The following PALD1 variants were observed in gnomAD, a reference collection of about 807,000 sequenced individuals.
PALD1 encodes paladin.
Under a neutral mutation model 96.0 loss-of-function variants are expected in PALD1, and 57 were observed. The observed-to-expected ratio is 0.59, with a 90% CI of 0.48 to 0.74. The LOEUF (loss-of-function observed/expected upper bound fraction) is 0.74. Among genes scored for constraint, PALD1 ranks in the 30% least tolerant of loss-of-function variants. PALD1 has a pLI of 0.00. For missense variants in PALD1, 1,063 were observed against 1,143.7 expected, an observed-to-expected ratio of 0.93 and a Z score of 1.02; for synonymous variants, 464 against 473.6, an observed-to-expected ratio of 0.98 and a Z score of 0.26.
rs1447824266 is a variant in PALD1 at position 70,539,258 on chromosome 10, C to T, written c.1725+11C>T. Reference sequence around the variant, plus strand: ...CCTGACCAGCTGGAGGTGAGGCCCCCTGCCCTCTAGGCACCCCTGCCTCCG... The same window carrying T: ...CCTGACCAGCTGGAGGTGAGGCCCCTTGCCCTCTAGGCACCCCTGCCTCCG... On this transcript the variant is annotated intron_variant, in intron 14 of 19. Coordinates refer to ENST00000263563, the MANE Select transcript of PALD1 (RefSeq NM_014431.3). The surrounding 1 kb of genome is among the most constrained non-coding windows in gnomAD (Gnocchi z 4.5). The T allele has an allele frequency of 5.0e-6, 8 of 1,601,456 alleles. No individual in the cohort carries two copies. The highest frequency in any genetic ancestry group is 1.8e-4 in the Middle Eastern group (1 of 5,458).
intron 17 of PALD1, among the ~76,000 whole-genome samples, chr10:70,545,661 C>T (rs142393431): frequency 2.0e-4 from 31 of 151,958 alleles, no homozygotes; most frequent in African/African-American, 6.8e-4. Context: ...TGGTCTTGAA[C>T]TTCTGGCCTC....
chr10:70,547,600 G>A (rs1261793136), intron 18 of PALD1, among the ~76,000 whole-genome samples, 154 bp downstream of exon 18: 1 of 152,120 alleles, frequency 6.6e-6, no homozygotes, highest in East Asian at 1.9e-4. Context: ...AAGTGGAAGT[G>A]ATCCATGAGA....
intron 1 of PALD1, among the ~76,000 whole-genome samples, chr10:70,491,290 C>T: frequency 6.6e-6 from 1 of 152,194 alleles, no homozygotes; most frequent in East Asian, 1.9e-4. Context: ...CAGAGATGGG[C>T]TTTACTCACT....
chr10:70,510,288 T>A (rs750743442), intron 1 of PALD1, among the ~76,000 whole-genome samples: 3 of 152,150 alleles, frequency 2.0e-5, no homozygotes, highest in Non-Finnish European at 4.4e-5. Flanking sequence ...GGCTGAAGTG[T>A]GCTTTCCCAC....
intron 1 of PALD1, among the ~76,000 whole-genome samples, chr10:70,505,614 C>T (rs768395661): frequency 0.33 from 24,043 of 72,680 alleles, 2,234 homozygotes; most frequent in Middle Eastern, 0.47. Context: ...CAAAACAAAA[C>T]AAAACAAAAC....
intron 1 of PALD1, among the ~76,000 whole-genome samples, chr10:70,518,797 C>G (rs1846666410): frequency 6.6e-6 from 1 of 152,258 alleles, no homozygotes; most frequent in African/African-American, 2.4e-5. Context: ...GGTGGCTGTT[C>G]AAACCCCACC....
chr10:70,501,830 T>TGC (rs1354666001), intron 1 of PALD1, among the ~76,000 whole-genome samples: 36 of 145,234 alleles, frequency 2.5e-4, no homozygotes, highest in African/African-American at 7.7e-4. Flanking sequence ...TGTGTGTGTG[T>TGC]GTGTGCGTGC....
Position 70,560,870 on chromosome 10 carries a change from T to C in PALD1, c.2263-3494T>C, listed in dbSNP as rs372731030. Among the ~76,000 whole-genome samples, 15 of 152,176 alleles carry C rather than the reference T, an allele frequency of 9.9e-5. No homozygotes were observed. The East Asian group carries it at 2.9e-3, about 29-fold the overall frequency. On this transcript the variant is annotated intron_variant, in intron 18 of 19. Transcript: ENST00000263563. The stretch of plus-strand genomic sequence containing the variant: ...GCTAATGACAGCCTGGCAGGCCGTA[T>C]ATAAACAGCTCCACTATTTTTATCA...
intron 1 of PALD1, among the ~76,000 whole-genome samples, chr10:70,500,281 C>T (rs1196657908): frequency 1.3e-5 from 2 of 152,238 alleles, no homozygotes; most frequent in East Asian, 3.9e-4. Context: ...GCTCAGGTGC[C>T]TCCACATGGT....
chr10:70,538,046 G>A (rs1000578934), intron 11 of PALD1, 140 bp downstream of exon 11: 21 of 750,084 alleles, frequency 2.8e-5, no homozygotes, highest in South Asian at 2.4e-4. Flanking sequence ...ACCCAGATTC[G>A]GGAGTAGTCC....
chr10:70,538,462 C>A, intron 12 of PALD1, 54 bp downstream of exon 12: 1 of 1,563,992 alleles, frequency 6.4e-7, no homozygotes, highest in Non-Finnish European at 8.7e-7. Flanking sequence ...TGGCCCTGGC[C>A]CCTAAACACT....
chr10:70,511,959 G>A (rs944789796), intron 1 of PALD1, among the ~76,000 whole-genome samples: 3 of 152,050 alleles, frequency 2.0e-5, no homozygotes, highest in Non-Finnish European at 4.4e-5. Flanking sequence ...CCTGGGAGGC[G>A]GAGGTTGCAG....
intron 18 of PALD1, among the ~76,000 whole-genome samples, chr10:70,550,035 A>T (rs1400278503): frequency 6.6e-6 from 1 of 152,198 alleles, no homozygotes; most frequent in African/African-American, 2.4e-5. Context: ...TCATTCTGGG[A>T]TATGGCCACC....
At chr10:70,477,615 C>T (rs992923436), upstream of PALD1, among the ~76,000 whole-genome samples, 1 of 152,200 alleles carries the variant, frequency 6.6e-6, no homozygotes, top group Admixed American at 6.5e-5. Context: ...CACTTAAGAG[C>T]TAGGTGCTAG....
chr10:70,497,161 G>T (rs1405433465), intron 1 of PALD1, among the ~76,000 whole-genome samples: 2 of 152,246 alleles, frequency 1.3e-5, no homozygotes, highest in Non-Finnish European at 2.9e-5. Context: ...GATGAGGAGG[G>T]CTTGCTGTTT....
intron 1 of PALD1, among the ~76,000 whole-genome samples, chr10:70,525,349 C>T (rs1846834648): frequency 6.6e-6 from 1 of 152,036 alleles, no homozygotes; most frequent in African/African-American, 2.4e-5. Context: ...GAGTTTGGGG[C>T]CTGGTATTTT....
At chr10:70,520,498 C>CTT (rs547202872) in intron 1 of PALD1, among the ~76,000 whole-genome samples, 42 of 152,166 alleles carry the variant, frequency 2.8e-4, no homozygotes, top group Non-Finnish European at 5.0e-4. Flanking sequence ...TTCCCCTGGG[C>CTT]TTGAATACTG....
intron 1 of PALD1, among the ~76,000 whole-genome samples, chr10:70,521,858 A>AC (rs1846742976): frequency 6.6e-6 from 1 of 151,070 alleles, no homozygotes; most frequent in Non-Finnish European, 1.5e-5. Context: ...TGTGCCAAGG[A>AC]CCCCCAAGCA....
the PALD1 span, among the ~76,000 whole-genome samples, chr10:70,468,617 C>T: frequency 1.3e-5 from 2 of 152,030 alleles, no homozygotes; most frequent in Non-Finnish European, 2.9e-5. Context: ...TGCCTTTGCC[C>T]ACAAGGAGCC....
Sources: gnomAD v4.1 joint callset for allele counts (sites outside exome capture counted in the v4.1 genomes callset) on GRCh38, gnomAD v4.1.1 for gene constraint, Gnocchi (gnomAD v3.1) non-coding constraint, MANE v1.5 for transcripts, NCBI Gene and HGNC (gene_info 2026-07-23, HGNC 2026-07-21) for gene names.